Variants in PSD3 observed in about 807,000 individuals in gnomAD.
The protein encoded by PSD3 is PH and SEC7 domain-containing protein 3.
A neutral mutation model predicts 105.5 loss-of-function variants in PSD3; 49 were observed. That is an observed-to-expected ratio of 0.46 (90% CI 0.37 to 0.59). The LOEUF (loss-of-function observed/expected upper bound fraction) is 0.59, where lower values mean the gene tolerates loss of function less well. PSD3 is among the 20% of genes least tolerant of loss of function. PSD3 has a pLI of 0.00. For synonymous variants in PSD3, 557 were observed against 457.8 expected (o/e 1.22, Z -2.77); for missense variants, 1,561 against 1,263.8 (o/e 1.24, Z -3.57).
intron 9 of PSD3, among the ~76,000 whole-genome samples, chr8:18,697,487 A>G (rs566140831): frequency 4.9e-4 from 75 of 152,358 alleles, no homozygotes; most frequent in Admixed American, 9.8e-4. Context: ...TTTTATATAC[A>G]GTATTAAGGT....
chr8:18,895,317 G>A (rs903344773), intron 2 of PSD3, among the ~76,000 whole-genome samples: 2 of 152,158 alleles, frequency 1.3e-5, no homozygotes, highest in East Asian at 3.9e-4. Flanking sequence ...CTAGCTCATG[G>A]TGGAGAATTC....
chr8:18,957,935 T>A (rs893213111), intron 1 of PSD3, among the ~76,000 whole-genome samples: 2 of 152,048 alleles, frequency 1.3e-5, no homozygotes. Flanking sequence ...ACTGTTAGAG[T>A]GTAAGGAGGT....
At chr8:18,670,431 G>A (rs947221386) in intron 9 of PSD3, among the ~76,000 whole-genome samples, 2 of 152,188 alleles carry the variant, frequency 1.3e-5, no homozygotes, top group African/African-American at 4.8e-5. Flanking sequence ...CCGCTTCTGT[G>A]TGGAGAAAGG....
At chr8:18,831,896 A>T (rs1197566028) in intron 4 of PSD3, among the ~76,000 whole-genome samples, 1 of 151,288 alleles carries the variant, frequency 6.6e-6, no homozygotes. Flanking sequence ...GAATAAATAT[A>T]ACAAAAAAAA....
At chr8:18,775,209 G>A (rs150410335) in intron 8 of PSD3, among the ~76,000 whole-genome samples, 4 of 152,148 alleles carry the variant, frequency 2.6e-5, no homozygotes, top group South Asian at 2.1e-4. Context: ...TTCTATGGCC[G>A]AGTAATATTC....
chr8:18,820,392 G>A (rs552332928), intron 4 of PSD3, among the ~76,000 whole-genome samples: 1 of 151,904 alleles, frequency 6.6e-6, no homozygotes, highest in African/African-American at 2.4e-5. Flanking sequence ...TCATCCCTTG[G>A]TATCTGTGGG....
chr8:18,546,414 C>T (rs1371234462), intron 15 of PSD3, among the ~76,000 whole-genome samples: 1 of 152,156 alleles, frequency 6.6e-6, no homozygotes, highest in Non-Finnish European at 1.5e-5. Flanking sequence ...GGTAAAGCGC[C>T]TTCCAACCCA....
chr8:18,931,460 A>G lies in PSD3; in HGVS notation c.130+4574T>C, dbSNP rs574006322. ...TACTTATGACCATAAATCATCATAA[A>G]GAGAAAATTTGCTTAGACAATACAA... is the stretch of plus-strand genomic sequence containing the variant. On this transcript the variant is annotated intron_variant, in intron 2 of 15. Transcript: ENST00000327040. 2.6e-5 allele frequency among the ~76,000 whole-genome samples: 4 copies of G among 152,358 alleles called. No homozygotes were observed. The East Asian group carries it at 7.7e-4, about 29-fold the overall frequency.
intron 8 of PSD3, among the ~76,000 whole-genome samples, chr8:18,783,020 A>G (rs1029658684): frequency 2.0e-5 from 3 of 152,236 alleles, no homozygotes; most frequent in African/African-American, 7.2e-5. Context: ...CTCTCATAGA[A>G]TTACTTAAAA....
intron 9 of PSD3, among the ~76,000 whole-genome samples, chr8:18,708,759 T>C (rs1802053606): frequency 6.6e-6 from 1 of 151,610 alleles, no homozygotes. Context: ...AGTGAGTGAA[T>C]CCTGCACCTT....
intron 9 of PSD3, chr8:18,734,000 T>C (rs553211329): frequency 4.6e-5 from 7 of 152,290 alleles, no homozygotes; most frequent in African/African-American, 1.7e-4. Flanking sequence ...TACAGACCCC[T>C]AGGCAAAGGC....
chr8:18,750,241 G>A (rs564694734), intron 9 of PSD3, among the ~76,000 whole-genome samples: 1 of 152,258 alleles, frequency 6.6e-6, no homozygotes, highest in African/African-American at 2.4e-5. Flanking sequence ...GGACCCTCGC[G>A]GTGAGTGCTA....
At chr8:19,073,045 T>C (rs1563545371) in intron 1 of PSD3, among the ~76,000 whole-genome samples, 2 of 152,180 alleles carry the variant, frequency 1.3e-5, no homozygotes, top group Admixed American at 6.5e-5. Flanking sequence ...AATAAAATGG[T>C]TAATTATCTG....
intron 8 of PSD3, among the ~76,000 whole-genome samples, chr8:18,768,812 G>A (rs1355991404): frequency 6.6e-6 from 1 of 152,044 alleles, no homozygotes; most frequent in African/African-American, 2.4e-5. Flanking sequence ...TGTTGTTGTT[G>A]TTAAAAACCT....
At chr8:18,731,876 G>A (rs1038346126) in intron 9 of PSD3, among the ~76,000 whole-genome samples, 3 of 152,144 alleles carry the variant, frequency 2.0e-5, no homozygotes, top group African/African-American at 7.2e-5. Flanking sequence ...GTTTACCCTA[G>A]ATCCTTCTGC....
chr8:18,878,557 G>C lies in PSD3; in HGVS notation c.131-5824C>G, dbSNP rs116928952. 1.4e-3 allele frequency among the ~76,000 whole-genome samples: 217 copies of C among 152,278 alleles called. 3 individuals carry two copies. In the East Asian group the frequency reaches 0.035, roughly 24 times the overall value. On this transcript the variant is annotated intron_variant, in intron 2 of 15. Coordinates refer to ENST00000327040, the MANE Select transcript of PSD3 (RefSeq NM_015310.4). ...ATAAGCTTAAGCATACATACATTCT[G>C]AATGCATAGACATACACACGCTCCT...
At chr8:18,976,135 T>G (rs1824932674) in intron 1 of PSD3, among the ~76,000 whole-genome samples, 1 of 152,142 alleles carries the variant, frequency 6.6e-6, no homozygotes, top group Non-Finnish European at 1.5e-5. Context: ...ATACAGTCAT[T>G]AAAATGCTTA....
intron 4 of PSD3, among the ~76,000 whole-genome samples, chr8:18,814,503 A>G (rs1002677157): frequency 2.6e-5 from 4 of 152,078 alleles, no homozygotes; most frequent in Admixed American, 2.6e-4. Context: ...TTACTTATTT[A>G]TTTATTTTCC....
intron 9 of PSD3, among the ~76,000 whole-genome samples, chr8:18,664,238 T>C (rs2130884433): frequency 6.6e-6 from 1 of 152,322 alleles, no homozygotes; most frequent in South Asian, 2.1e-4. Flanking sequence ...TGAGGTTTCT[T>C]GCACCAGTTA....
Sources: gnomAD v4.1 joint callset for allele counts (sites outside exome capture counted in the v4.1 genomes callset) on GRCh38, gnomAD v4.1.1 for gene constraint, MANE v1.5 for transcripts, NCBI Gene and HGNC (gene_info 2026-07-23, HGNC 2026-07-21) for gene names.